The following NT5DC3 variants were observed in gnomAD, a reference collection of about 807,000 sequenced individuals.
The protein encoded by NT5DC3 is 5'-nucleotidase domain containing 3, also known as 5'-nucleotidase domain-containing protein 3.
NT5DC3 carries 42 observed loss-of-function variants against 67.8 expected under a neutral mutation model. That is an observed-to-expected ratio of 0.62 (90% confidence interval 0.48 to 0.80). The LOEUF is 0.80. Among genes scored for constraint, NT5DC3 ranks in the 30% least tolerant of loss-of-function variants. The probability of loss-of-function intolerance (pLI) is 0.00; values close to 1 mark genes in which losing one functional copy is unlikely to be tolerated. For synonymous variants in NT5DC3, 237 were observed against 255.6 expected, an observed-to-expected ratio of 0.93 and a Z score of 0.69; for missense variants, 570 against 696.4, an observed-to-expected ratio of 0.82 and a Z score of 2.04.
intron 1 of NT5DC3, among the ~76,000 whole-genome samples, chr12:103,840,407 TC>T (rs1337016858): frequency 5.4e-4 from 80 of 148,626 alleles, no homozygotes; most frequent in African/African-American, 2.0e-3. Context: ...TCTCATCTCA[TC>T]TCATCTCATC....
chr12:103,759,208 ACCAC>A, the NT5DC3 span: 1 of 1,614,130 alleles, frequency 6.2e-7, no homozygotes, highest in Non-Finnish European at 8.5e-7. Flanking sequence ...TGTCAATGGC[ACCAC>A]CCTGCAAACG....
rs942322803 is a variant in NT5DC3, at chr12:103,777,812, C to T, written c.*17G>A. 3.7e-6 allele frequency: 6 copies of T among 1,600,678 alleles called. No individual in the cohort carries two copies. The Middle Eastern group carries it at 7.8e-4, about 207-fold the overall frequency. Reference sequence around the variant, plus strand: ...GCCCAATCAGGGGCAGTTACAGTTTCTAGTTTTTGCCCTTGGCTACTTGGC... The same window carrying T: ...GCCCAATCAGGGGCAGTTACAGTTTTTAGTTTTTGCCCTTGGCTACTTGGC... On this transcript the variant is annotated 3_prime_UTR_variant, in exon 14 of 14. Transcript: ENST00000392876.
intron 2 of NT5DC3, among the ~76,000 whole-genome samples, chr12:103,807,885 G>T (rs1255858673): frequency 1.3e-5 from 2 of 152,166 alleles, no homozygotes; most frequent in Non-Finnish European, 2.9e-5. Flanking sequence ...CTTCTGTCAT[G>T]ATTGTGAGGG....
At chr12:103,746,780 C>A in the NT5DC3 span, 1 of 1,455,280 alleles carries the variant, frequency 6.9e-7, no homozygotes, top group Non-Finnish European at 9.6e-7. Flanking sequence ...AGTGCCTGGG[C>A]TTCATCCTAG....
intron 6 of NT5DC3, among the ~76,000 whole-genome samples, chr12:103,794,889 GCAGGTGTCAAAA>G (rs1398832104): frequency 2.6e-5 from 4 of 152,236 alleles, no homozygotes; most frequent in Non-Finnish European, 2.9e-5. Context: ...ATGATAGCTG[GCAGGTGTCAAAA>G]CAGGGTCCCA....
intron 11 of NT5DC3, among the ~76,000 whole-genome samples, chr12:103,786,249 G>A (rs1446406657): frequency 1.3e-5 from 2 of 152,132 alleles, no homozygotes; most frequent in Non-Finnish European, 2.9e-5. Context: ...GAGGAAGCAA[G>A]GAGGTTTCCA....
rs1449355687 is a variant in NT5DC3, at chr12:103,775,005, T to G, written c.*2824A>C. The G allele has an allele frequency of 7.7e-6, 1 of 130,248 alleles. No homozygotes were observed. Among genetic ancestry groups the G allele is most frequent in the East Asian group, 3.5e-4 (1 of 2,872 alleles). The allele number at this position is 130,248 out of a possible 1,614,324, so 8.1% of individuals were successfully genotyped here. ...CAGAATGGGCAACAGAGCGAGACCT[T>G]GCCTCAAAAAAAAAAAAAAAAAGTC... is the stretch of plus-strand genomic sequence containing the variant. On this transcript the variant is annotated 3_prime_UTR_variant, in exon 14 of 14. Coordinates refer to ENST00000392876, the MANE Select transcript of NT5DC3 (RefSeq NM_001031701.3).
intron 11 of NT5DC3, chr12:103,785,836 A>C: frequency 2.3e-6 from 1 of 434,996 alleles, no homozygotes. Flanking sequence ...TCTTCATTCA[A>C]TTCATCCACA....
At chr12:103,822,835 T>C (rs1021242601) in intron 1 of NT5DC3, among the ~76,000 whole-genome samples, 2 of 152,188 alleles carry the variant, frequency 1.3e-5, no homozygotes, top group African/African-American at 2.4e-5. Context: ...GAATCTATGC[T>C]AAGGAAATAG....
chr12:103,770,763 AT>A (rs1885162834), downstream of NT5DC3: 1 of 152,232 alleles, frequency 6.6e-6, no homozygotes, highest in Non-Finnish European at 1.5e-5. Flanking sequence ...GTTAAGTGCT[AT>A]GGTCTGAATG....
the NT5DC3 span, among the ~76,000 whole-genome samples, chr12:103,748,584 C>CA: frequency 7.0e-6 from 1 of 141,854 alleles, no homozygotes; most frequent in Non-Finnish European, 1.5e-5. Flanking sequence ...TAACTCTACA[C>CA]CACACACACA....
intron 12 of NT5DC3, among the ~76,000 whole-genome samples, chr12:103,782,130 G>A (rs1885580097): frequency 6.6e-6 from 1 of 152,250 alleles, no homozygotes; most frequent in South Asian, 2.1e-4. Flanking sequence ...AGCATTTTGG[G>A]AGGCCAAGGC....
intron 1 of NT5DC3, among the ~76,000 whole-genome samples, chr12:103,831,064 T>C (rs1887903593): frequency 6.6e-6 from 1 of 152,186 alleles, no homozygotes; most frequent in Admixed American, 6.5e-5. Flanking sequence ...AGTTTCTCAG[T>C]TGGGATTGTG....
rs1433313660 is a variant in NT5DC3 at position 103,776,564 on chromosome 12, A to G, written c.*1265T>C. 6.6e-6 allele frequency: 1 copy of G among 152,228 alleles called. No individual in the cohort carries two copies. Among genetic ancestry groups the G allele is most frequent in the African/African-American group, 2.4e-5 (1 of 41,442 alleles). 9.4% of individuals were successfully genotyped at this position (152,228 alleles called of 1,614,324 possible). A position where few individuals can be genotyped will look rare whatever the true frequency, so the allele number is the denominator to read the frequency against. On this transcript the variant is annotated 3_prime_UTR_variant, in exon 14 of 14. Transcript: ENST00000392876. The stretch of plus-strand genomic sequence containing the variant: ...GAGCAAAACTCCATCTCAACAAAAC[A>G]AAACAGAAGGAAATGAGAAAAGCTT...
chr12:103,810,441 G>A (rs114189988), intron 2 of NT5DC3, among the ~76,000 whole-genome samples: 349 of 152,210 alleles, frequency 2.3e-3, no homozygotes, highest in African/African-American at 8.0e-3. Context: ...AGGACTTTTC[G>A]TAGTTTAGAA....
Position 103,777,600 on chromosome 12 carries a change from G to A in NT5DC3, c.*229C>T. The A allele has an allele frequency of 5.4e-6, 3 of 552,750 alleles. No individual in the cohort carries two copies. The highest frequency in any genetic ancestry group is 9.4e-6 in the Non-Finnish European group (3 of 320,030). 34.2% of individuals were successfully genotyped at this position (552,750 alleles called of 1,614,324 possible). A position where few individuals can be genotyped will look rare whatever the true frequency, so the allele number is the denominator to read the frequency against. On this transcript the variant is annotated 3_prime_UTR_variant, in exon 14 of 14. Coordinates refer to ENST00000392876, the MANE Select transcript of NT5DC3 (RefSeq NM_001031701.3). ...CAGTAAACAAAAAGGCAAAATCAGA[G>A]TTCCAATGTGAAGCTTGCCTTTCAG...
chr12:103,747,208 A>G, the NT5DC3 span, among the ~76,000 whole-genome samples: 2 of 151,942 alleles, frequency 1.3e-5, no homozygotes, highest in Non-Finnish European at 2.9e-5. Context: ...TTTAAGTTAA[A>G]CCTAAACATA....
chr12:103,793,444 T>C lies in NT5DC3; in HGVS notation c.883A>G (p.Met295Val), dbSNP rs758768025. ...CTGGGGCTATTGGTGATGAGAAACA[T>C]CTTCTTGCCATGATCAGCCAGTTTG... Reference protein sequence around the residue: ...LAKLADHGKKMFLITNSPSSF... With the variant: ...LAKLADHGKKVFLITNSPSSF... Residue 295 changes from methionine (M) to valine (V), a missense_variant, in exon 8 of 14, where the codon ATG (methionine) becomes GTG (valine). By Grantham distance (21) the Met-to-Val change is conservative. Transcript: ENST00000392876. 8.7e-6 allele frequency: 14 copies of C among 1,614,062 alleles called. No individual in the cohort carries two copies. The African/African-American group carries it at 1.9e-4, about 22-fold the overall frequency.
chr12:103,793,104 T>C, intron 9 of NT5DC3, 60 bp downstream of exon 9: 1 of 1,160,426 alleles, frequency 8.6e-7, no homozygotes, highest in Non-Finnish European at 1.3e-6. Flanking sequence ...AGACACACCA[T>C]CTATATATTC....
Sources: gnomAD v4.1 joint callset for allele counts (sites outside exome capture counted in the v4.1 genomes callset) on GRCh38, gnomAD v4.1.1 for gene constraint, MANE v1.5 for transcripts, NCBI Gene and HGNC (gene_info 2026-07-23, HGNC 2026-07-21) for gene names.